The following ABCC2 variants were observed in gnomAD, a reference collection of about 807,000 sequenced individuals.
ABCC2 encodes the protein ATP binding cassette subfamily C member 2, also known as ATP-binding cassette sub-family C member 2.
In ABCC2, 157 loss-of-function variants were observed where a neutral mutation model predicts 173.4. That is an observed-to-expected ratio of 0.91 (90% CI 0.80 to 1.03). ABCC2 has a LOEUF of 1.03. Ranked by LOEUF, ABCC2 falls within the 50% of genes least tolerant of loss-of-function variation. The pLI, the probability that ABCC2 is intolerant of heterozygous loss-of-function variation, is 0.00. For synonymous variants in ABCC2, 657 were observed against 693.5 expected (o/e 0.95, Z 0.83); for missense variants, 1,822 against 1,852.3 (o/e 0.98, Z 0.30).
At chr10:99,799,931 G>A (rs945101236) in intron 8 of ABCC2, among the ~76,000 whole-genome samples, 57 of 152,188 alleles carry the variant, frequency 3.7e-4, no homozygotes, top group African/African-American at 4.8e-5. Flanking sequence ...GCTGGACATG[G>A]TGGCTCATGA....
chr10:99,830,445 A>G lies in ABCC2; in HGVS notation c.2747+12A>G, dbSNP rs368108231. On this transcript the variant is annotated intron_variant, in intron 20 of 31. Transcript: ENST00000647814. ...ACACTTAGCCGCAGGTTGGCTATCT[A>G]TTCAGCTGGCAGCCCTCGTCAGCTC... 3 of 1,614,172 alleles carry G rather than the reference A, an allele frequency of 1.9e-6. No individual in the cohort carries two copies. The highest frequency in any genetic ancestry group is 1.7e-6 in the Non-Finnish European group (2 of 1,180,024).
chr10:99,820,472 G>A (rs1471922866), intron 19 of ABCC2, among the ~76,000 whole-genome samples: 6 of 152,040 alleles, frequency 3.9e-5, no homozygotes, highest in African/African-American at 1.2e-4. Flanking sequence ...AAAAATCTAA[G>A]CCAGGGCTGG....
chr10:99,787,768 A>C (rs1309627034), intron 2 of ABCC2, among the ~76,000 whole-genome samples: 1 of 152,136 alleles, frequency 6.6e-6, no homozygotes, highest in Non-Finnish European at 1.5e-5. Flanking sequence ...CAAAGTTCAA[A>C]AAGTACAAAA....
chr10:99,813,708 TCAAA>T (rs1405784290), intron 16 of ABCC2, among the ~76,000 whole-genome samples: 1 of 149,094 alleles, frequency 6.7e-6, no homozygotes, highest in Admixed American at 6.6e-5. Context: ...AGACTCTGTC[TCAAA>T]AAAAAAAAAG....
intron 1 of ABCC2, 35 bp downstream of exon 1, chr10:99,782,912 C>T (rs2037639958): frequency 6.2e-7 from 1 of 1,608,844 alleles, no homozygotes; most frequent in Admixed American, 1.7e-5. Flanking sequence ...ATTGACTCTT[C>T]TCAGACTCAG....
intron 2 of ABCC2, among the ~76,000 whole-genome samples, chr10:99,786,547 T>A (rs1327342030): frequency 3.9e-5 from 6 of 152,236 alleles, no homozygotes; most frequent in Non-Finnish European, 7.3e-5. Context: ...TGAGATATAA[T>A]GTACATACCA....
intron 4 of ABCC2, 26 bp downstream of exon 4, chr10:99,793,711 T>G (rs753644018): frequency 6.2e-7 from 1 of 1,614,046 alleles, no homozygotes; most frequent in South Asian, 1.1e-5. Context: ...GTGGATGACA[T>G]GAGGAGGTAC....
chr10:99,830,166 G>T (rs535936089), intron 19 of ABCC2, 141 bp from the exon 20 acceptor site: 5 of 894,992 alleles, frequency 5.6e-6, no homozygotes, highest in South Asian at 2.8e-5. Flanking sequence ...AGTATTTATG[G>T]AGTAAAGTAT....
chr10:99,814,654 C>CATAT (rs1564685789), intron 16 of ABCC2, among the ~76,000 whole-genome samples: 20 of 115,698 alleles, frequency 1.7e-4, no homozygotes, highest in Admixed American at 4.3e-4. Flanking sequence ...CATATACACA[C>CATAT]ACATATGTGT....
chr10:99,795,263 C>T (rs1338747230), intron 6 of ABCC2, among the ~76,000 whole-genome samples: 1 of 151,966 alleles, frequency 6.6e-6, no homozygotes, highest in Non-Finnish European at 1.5e-5. Flanking sequence ...AATATAGTTA[C>T]CAAAATATTT....
chr10:99,814,147 ATG>A (rs1564683210), intron 16 of ABCC2, among the ~76,000 whole-genome samples: 905 of 26,704 alleles, frequency 0.034, 40 homozygotes, highest in Middle Eastern at 0.052. Context: ...ATATACACAC[ATG>A]TATGTATACA....
In ABCC2 at chr10:99,850,626, C is replaced by G. The variant is rs770132111; in HGVS notation, c.4338C>G (p.Cys1446Trp). Residue 1446 changes from cysteine (C) to tryptophan (W), a missense_variant, in exon 31 of 32, where the codon TGC becomes TGG. By Grantham distance (215) the Cys-to-Trp change is radical. Transcript: ENST00000647814. Reference sequence around the variant, plus strand: ...GCATAGGCCAGAGGCAGCTGCTGTGCCTGGGCAGGGCTCTGCTTCGGAAAT... The same window carrying G: ...GCATAGGCCAGAGGCAGCTGCTGTGGCTGGGCAGGGCTCTGCTTCGGAAAT... ...NLSIGQRQLL[C>W]LGRALLRKSK... 3.7e-6 allele frequency: 6 copies of G among 1,614,194 alleles called. No individual in the cohort carries two copies. In the East Asian group the frequency reaches 6.7e-5, roughly 18 times the overall value.
chr10:99,786,829 C>T (rs753451654), intron 2 of ABCC2, among the ~76,000 whole-genome samples: 1 of 152,112 alleles, frequency 6.6e-6, no homozygotes, highest in Non-Finnish European at 1.5e-5. Context: ...ATGGTGAAAC[C>T]CCGTCTCTAC....
rs1277891277 is a variant in ABCC2 at position 99,840,858 on chromosome 10, C to T, written c.3615-1109C>T. Among the ~76,000 whole-genome samples, 15 of 151,906 alleles carry T rather than the reference C, an allele frequency of 9.9e-5. 1 individual carries two copies. The highest frequency in any genetic ancestry group is 2.2e-4 in the Non-Finnish European group (15 of 67,994). On this transcript the variant is annotated intron_variant, in intron 25 of 31. Coordinates refer to ENST00000647814, the MANE Select transcript of ABCC2 (RefSeq NM_000392.5). ...CCTCCTCCATCTCTGGTCCTGACCC[C>T]TCATCCTCTTAAGCAACCCTCTCCT...
At chr10:99,815,723 T>C (rs1007623147) in intron 16 of ABCC2, among the ~76,000 whole-genome samples, 17 of 152,236 alleles carry the variant, frequency 1.1e-4, no homozygotes, top group Admixed American at 3.9e-4. Context: ...CTTCCTCCAA[T>C]TGATTTATAT....
At position 99,800,405 on chromosome 10, in the gene ABCC2, A is replaced by G. The variant is rs1288501345; in HGVS notation, c.1051A>G (p.Ser351Gly). The change falls in exon 9 of 32, where the codon AGT (serine) becomes GGT (glycine). Residue 351 changes from serine (S) to glycine (G), a missense_variant. By Grantham distance (56) the Ser-to-Gly change is moderately conservative. Transcript: ENST00000647814. ...TGGCAGATTGCTGATCTCCTTTGCA[A>G]GTGACCGTGACACATATTTGTGGAT... ...QLLKLLISFA[S>G]DRDTYLWIGY... is the part of the protein sequence containing the mutation. The G allele has an allele frequency of 5.6e-6, 9 of 1,614,064 alleles. No homozygotes were observed. Among genetic ancestry groups the G allele is most frequent in the Non-Finnish European group, 7.6e-6 (9 of 1,180,034 alleles).
At chr10:99,829,239 C>A (rs949073367) in intron 19 of ABCC2, among the ~76,000 whole-genome samples, 1 of 152,136 alleles carries the variant, frequency 6.6e-6, no homozygotes, top group Non-Finnish European at 1.5e-5. Context: ...CCAGTGGCTG[C>A]TAGGCTGCTG....
At chr10:99,834,633 C>T (rs980364881) in intron 24 of ABCC2, 98 bp downstream of exon 24, 51 of 1,399,136 alleles carry the variant, frequency 3.6e-5, no homozygotes, top group Non-Finnish European at 4.9e-5. Context: ...TTGCTAGTCA[C>T]TCACTCCTCC....
At chr10:99,814,163 G>GTGTGTATATACACT (rs1564683325) in intron 16 of ABCC2, among the ~76,000 whole-genome samples, 1 of 35,056 alleles carries the variant, frequency 2.9e-5, no homozygotes, top group Non-Finnish European at 5.7e-5. Context: ...GTATACACAC[G>GTGTGTATATACACT]TATATATACA....
Sources: gnomAD v4.1 joint callset for allele counts (sites outside exome capture counted in the v4.1 genomes callset) on GRCh38, gnomAD v4.1.1 for gene constraint, MANE v1.5 for transcripts, NCBI Gene and HGNC (gene_info 2026-07-23, HGNC 2026-07-21) for gene names.